PXDNL: variants seen among roughly 807,000 people sequenced by gnomAD.
PXDNL encodes the protein peroxidasin like.
Under a neutral mutation model 150.8 loss-of-function variants are expected in PXDNL, and 145 were observed. That is an observed-to-expected ratio of 0.96 (90% CI 0.84 to 1.10). PXDNL has a LOEUF of 1.10. Ranked by LOEUF, PXDNL falls within the 50% of genes least tolerant of loss-of-function variation. PXDNL has a pLI of 0.00. For missense variants in PXDNL, 2,087 were observed against 1,873.9 expected, an observed-to-expected ratio of 1.11 and a Z score of -2.10; for synonymous variants, 757 against 725.7, an observed-to-expected ratio of 1.04 and a Z score of -0.69.
At chr8:51,346,468 A>G (rs1806161428) in intron 19 of PXDNL, among the ~76,000 whole-genome samples, 1 of 152,240 alleles carries the variant, frequency 6.6e-6, no homozygotes, top group South Asian at 2.1e-4. Flanking sequence ...TTTTATCACA[A>G]TCAAAAAGAT....
chr8:51,519,746 C>A (rs539533859), intron 4 of PXDNL, among the ~76,000 whole-genome samples: 42 of 152,282 alleles, frequency 2.8e-4, no homozygotes, highest in Admixed American at 4.6e-4. Context: ...TGAATTCTCT[C>A]AAGGGGTAAA....
At chr8:51,450,851 T>C (rs1220904628) in intron 10 of PXDNL, among the ~76,000 whole-genome samples, 1 of 152,132 alleles carries the variant, frequency 6.6e-6, no homozygotes, top group African/African-American at 2.4e-5. Context: ...CGGTCAGAAC[T>C]AATAAGTAGA....
chr8:51,431,411 A>T (rs1047695951), intron 12 of PXDNL, among the ~76,000 whole-genome samples: 3 of 152,008 alleles, frequency 2.0e-5, no homozygotes, highest in Admixed American at 6.6e-5. Context: ...GCACTTCTAT[A>T]CCCTTTATTC....
At chr8:51,728,709 C>A (rs1361033184) in intron 1 of PXDNL, among the ~76,000 whole-genome samples, 2 of 151,902 alleles carry the variant, frequency 1.3e-5, no homozygotes, top group East Asian at 3.9e-4. Flanking sequence ...ATAAAAGAAT[C>A]AAAAAAGTTA....
chr8:51,543,194 C>T (rs566233235), intron 4 of PXDNL, among the ~76,000 whole-genome samples: 1 of 152,296 alleles, frequency 6.6e-6, no homozygotes, highest in South Asian at 2.1e-4. Flanking sequence ...AAGTGCCAAA[C>T]TTTCACTCAG....
chr8:51,527,520 G>T (rs189337682), intron 4 of PXDNL, among the ~76,000 whole-genome samples: 1 of 152,168 alleles, frequency 6.6e-6, no homozygotes, highest in Admixed American at 6.5e-5. Flanking sequence ...TGAAGTATCC[G>T]ATTTGTTCTA....
At chr8:51,646,705 T>C (rs1334635471) in intron 2 of PXDNL, among the ~76,000 whole-genome samples, 3 of 152,070 alleles carry the variant, frequency 2.0e-5, no homozygotes, top group Middle Eastern at 3.2e-3. Context: ...AATAGGGAGA[T>C]AGCAAGAGAG....
chr8:51,789,121 A>G (rs2037486822), intron 1 of PXDNL, among the ~76,000 whole-genome samples: 1 of 152,000 alleles, frequency 6.6e-6, no homozygotes, highest in Admixed American at 6.6e-5. Flanking sequence ...CCTATTCTGT[A>G]AGACAAATTT....
intron 19 of PXDNL, among the ~76,000 whole-genome samples, chr8:51,368,473 G>A (rs1806985043): frequency 6.6e-6 from 1 of 151,918 alleles, no homozygotes; most frequent in Admixed American, 6.5e-5. Flanking sequence ...AAATTTGGAA[G>A]ATGCTGGTAT....
intron 21 of PXDNL, among the ~76,000 whole-genome samples, chr8:51,330,886 T>C (rs1805661397): frequency 6.6e-6 from 1 of 152,076 alleles, no homozygotes; most frequent in Non-Finnish European, 1.5e-5. Flanking sequence ...TGAGAGAAAA[T>C]TCCTCTCAAT....
intron 14 of PXDNL, among the ~76,000 whole-genome samples, chr8:51,417,472 G>A (rs552046640): frequency 6.6e-5 from 10 of 152,166 alleles, no homozygotes; most frequent in African/African-American, 2.4e-4. Flanking sequence ...GGCTCTGGGT[G>A]ACTTGGGGAC....
intron 1 of PXDNL, among the ~76,000 whole-genome samples, chr8:51,764,379 GT>G (rs56742838): frequency 9.9e-4 from 128 of 129,104 alleles, no homozygotes; most frequent in Middle Eastern, 9.0e-3. Flanking sequence ...TCTTTTTCTA[GT>G]TTTTTTTTTT....
chr8:51,622,323 T>C (rs1232768680), intron 2 of PXDNL, among the ~76,000 whole-genome samples: 1 of 152,036 alleles, frequency 6.6e-6, no homozygotes. Flanking sequence ...ATGATGAGAG[T>C]TGAAGCTGCC....
intron 5 of PXDNL, among the ~76,000 whole-genome samples, chr8:51,486,777 T>C (rs1420745381): frequency 8.3e-5 from 1 of 12,082 alleles, no homozygotes; most frequent in Non-Finnish European, 2.1e-4. Context: ...TATATATATA[T>C]ATATATATAT....
chr8:51,539,881 T>C (rs1015364576), intron 4 of PXDNL, among the ~76,000 whole-genome samples: 3 of 151,960 alleles, frequency 2.0e-5, no homozygotes, highest in African/African-American at 7.3e-5. Context: ...TTATTACTCT[T>C]CTCAGCTATA....
chr8:51,618,258 G>A (rs895599371), intron 2 of PXDNL, among the ~76,000 whole-genome samples: 50 of 152,340 alleles, frequency 3.3e-4, no homozygotes, highest in East Asian at 1.7e-3. Context: ...TCTGAAAGGC[G>A]AGGGCCTACA....
intron 19 of PXDNL, among the ~76,000 whole-genome samples, chr8:51,352,390 A>T (rs1474752390): frequency 6.6e-6 from 1 of 152,120 alleles, no homozygotes; most frequent in East Asian, 1.9e-4. Context: ...ACCATGGATA[A>T]TATGGTTTGG....
chr8:51,775,164 C>T (rs181881461), intron 1 of PXDNL, among the ~76,000 whole-genome samples: 3 of 152,196 alleles, frequency 2.0e-5, no homozygotes, highest in Admixed American at 2.0e-4. Context: ...TATCCACCCA[C>T]AAAGGCCATT....
chr8:51,404,170 A>G (rs112467342), intron 17 of PXDNL, among the ~76,000 whole-genome samples: 1 of 152,236 alleles, frequency 6.6e-6, no homozygotes, highest in Non-Finnish European at 1.5e-5. Context: ...TGTGAACCCA[A>G]AGAGTAAGCA....
Sources: allele counts gnomAD v4.1 joint callset (sites outside exome capture counted in the v4.1 genomes callset), GRCh38; gene constraint gnomAD v4.1.1; transcripts MANE v1.5; gene names NCBI Gene and HGNC (gene_info 2026-07-23, HGNC 2026-07-21).